Variants in RIF1 observed in about 807,000 individuals in gnomAD.
RIF1 encodes telomere-associated protein RIF1.
RIF1 carries 45 observed loss-of-function variants against 247.1 expected under a neutral mutation model. The observed-to-expected ratio is 0.18, with a 90% CI of 0.14 to 0.23. RIF1 has a LOEUF of 0.23. Ranked by LOEUF, RIF1 falls within the 10% of genes least tolerant of loss-of-function variation. The pLI is 1.00. For missense variants in RIF1, 2,967 were observed against 2,862.5 expected (o/e 1.04, Z -0.83); for synonymous variants, 1,087 against 978.8 (o/e 1.11, Z -2.06).
intron 30 of RIF1, among the ~76,000 whole-genome samples, chr2:151,467,492 G>A (rs1386537892): frequency 1.3e-5 from 2 of 151,964 alleles, no homozygotes; most frequent in Non-Finnish European, 2.9e-5. Flanking sequence ...TTACAGGCAT[G>A]TGCCACTAAG....
At chr2:151,447,514 T>C (rs1428126361) in intron 20 of RIF1, among the ~76,000 whole-genome samples, 1 of 152,230 alleles carries the variant, frequency 6.6e-6, no homozygotes, top group Non-Finnish European at 1.5e-5. Flanking sequence ...TTCTGTAGTA[T>C]GGTTGTACCA....
chr2:151,465,040 T>C lies in RIF1; in HGVS notation c.5520T>C (p.Asp1840=), dbSNP rs913582039. The C allele has an allele frequency of 2.5e-6, 4 of 1,582,506 alleles. No individual in the cohort carries two copies. In the African/African-American group the frequency reaches 5.5e-5, roughly 22 times the overall value. Residue 1840 remains aspartate, a synonymous_variant, in exon 30 of 36, where the codon GAT becomes GAC. Coordinates refer to ENST00000444746, the MANE Select transcript of RIF1 (RefSeq NM_018151.5). ...TAAACTTTAGAGAGGAAATTTGTGA[T>C]ATGGATTCTAGTGAAGCAATGTCTC... ...GIVNFREEIC[D]MDSSEAMSLE... is the part of the protein sequence containing the mutation.
At chr2:151,512,078 T>C (rs1186131710), downstream of RIF1, among the ~76,000 whole-genome samples, 2 of 140,324 alleles carry the variant, frequency 1.4e-5, no homozygotes, top group Non-Finnish European at 3.0e-5. Flanking sequence ...CTGCCCAGGC[T>C]GGAGTGCAGT....
At chr2:151,415,373 C>T (rs1480363041) in intron 4 of RIF1, among the ~76,000 whole-genome samples, 2 of 150,434 alleles carry the variant, frequency 1.3e-5, no homozygotes, top group Non-Finnish European at 3.0e-5. Context: ...TTTAGATTAT[C>T]ATTACCTACA....
At chr2:151,505,388 T>C in intron 12 of RIF1, 1 of 1,140,178 alleles carries the variant, frequency 8.8e-7, no homozygotes, top group African/African-American at 1.5e-5. Flanking sequence ...ATGGAAGCTC[T>C]TGATAGGAAG....
intron 9 of RIF1, chr2:151,493,446 C>A: frequency 6.4e-7 from 1 of 1,569,264 alleles, no homozygotes; most frequent in Non-Finnish European, 8.6e-7. Flanking sequence ...TGTACAATAC[C>A]TAGGGAAGCC....
the RIF1 span, chr2:151,534,393 C>T: frequency 8.1e-7 from 1 of 1,236,320 alleles, no homozygotes; most frequent in Non-Finnish European, 1.2e-6. Flanking sequence ...AAGGTAAACA[C>T]TCCAGAGGGC....
chr2:151,465,439 T>C lies in RIF1; in HGVS notation c.5919T>C (p.Ile1973=). The change falls in exon 30 of 36, where the codon ATT becomes ATC. Residue 1973 remains isoleucine (I), a synonymous_variant. Transcript: ENST00000444746. ...EVATEEFNSD[I]SLSDNTTPVK... ...CAACTGAGGAATTTAATTCAGATAT[T>C]AGTCTTTCTGATAATACTACACCTG... The C allele has an allele frequency of 6.2e-7, 1 of 1,613,890 alleles. No homozygotes were observed. The highest frequency in any genetic ancestry group is 8.5e-7 in the Non-Finnish European group (1 of 1,179,850).
At chr2:151,453,599 AAAAG>A (rs1225942105) in intron 21 of RIF1, among the ~76,000 whole-genome samples, 2 of 151,806 alleles carry the variant, frequency 1.3e-5, no homozygotes, top group Non-Finnish European at 2.9e-5. Flanking sequence ...AAAAAAAAAA[AAAAG>A]GCAATTTTAC....
At chr2:151,451,527 T>C (rs1310490269) in intron 20 of RIF1, 79 bp from the exon 21 acceptor site, 7 of 755,356 alleles carry the variant, frequency 9.3e-6, no homozygotes, top group East Asian at 5.0e-5. Context: ...AACAGTCTTA[T>C]ATTTTTTCAT....
chr2:151,474,242 T>C (rs1349808581), intron 35 of RIF1, among the ~76,000 whole-genome samples, 170 bp downstream of exon 35: 1 of 152,242 alleles, frequency 6.6e-6, no homozygotes, highest in Non-Finnish European at 1.5e-5. Context: ...TGTCTACTTG[T>C]TTTTCTTGTC....
chr2:151,464,750 A>G lies in RIF1; in HGVS notation c.5230A>G (p.Lys1744Glu). The G allele has an allele frequency of 6.2e-7, 1 of 1,613,788 alleles. No individual in the cohort carries two copies. The highest frequency in any genetic ancestry group is 8.5e-7 in the Non-Finnish European group (1 of 1,179,906). Residue 1744 changes from lysine (K) to glutamate (E), a missense_variant, in exon 30 of 36, where the codon AAG becomes GAG. Around this residue, in one of 7 missense-constraint regions of RIF1, gnomAD observed 2,028 missense variants for 1,825.6 expected, o/e 1.11. Transcript: ENST00000444746. The stretch of plus-strand genomic sequence containing the variant: ...TGGGGAAAAATCACAACCTCAGGAA[A>G]AGTCACTCATTGGGTTAAAGAATAC... ...CCGEKSQPQEKSLIGLKNTEN... is the reference protein window; with the variant it reads ...CCGEKSQPQEESLIGLKNTEN...
At chr2:151,497,585 A>G (rs1191188916) in intron 10 of RIF1, 47 of 1,539,880 alleles carry the variant, frequency 3.1e-5, no homozygotes, top group Non-Finnish European at 3.4e-5. Context: ...AGTTTTCAAA[A>G]TCATTAAATA....
chr2:151,449,466 A>G (rs1266691464), intron 20 of RIF1, among the ~76,000 whole-genome samples: 1 of 150,170 alleles, frequency 6.7e-6, no homozygotes, highest in East Asian at 1.9e-4. Context: ...TTCTTTCTTG[A>G]TGAGGTCTTG....
In RIF1 at chr2:151,465,371, G is replaced by A; in HGVS notation, c.5851G>A (p.Asp1951Asn). 6.2e-7 allele frequency: 1 copy of A among 1,613,632 alleles called. No individual in the cohort carries two copies. Among genetic ancestry groups the A allele is most frequent in the South Asian group, 1.1e-5 (1 of 90,930 alleles). Residue 1951 changes from aspartate to asparagine, a missense_variant, in exon 30 of 36, where the codon GAC becomes AAC. Physicochemically the swap from Asp to Asn is conservative, Grantham distance 23 (BLOSUM62 1). This residue lies in a region of RIF1 where 2,028 missense variants were observed against 1,825.6 expected (regional missense o/e 1.11). Transcript: ENST00000444746. ...AAIEENKRND[D>N]SEADTAKLNA... ...AATAGAAGAAAATAAAAGAAATGAT[G>A]ACTCTGAAGCAGACACAGCTAAACT...
chr2:151,418,138 A>G (rs902703977), intron 6 of RIF1, among the ~76,000 whole-genome samples: 2 of 152,234 alleles, frequency 1.3e-5, no homozygotes, highest in Non-Finnish European at 2.9e-5. Flanking sequence ...TGCAGATTTC[A>G]TAAAGACTGT....
the RIF1 span, among the ~76,000 whole-genome samples, chr2:151,518,753 A>T: frequency 6.6e-6 from 1 of 152,232 alleles, no homozygotes; most frequent in Non-Finnish European, 1.5e-5. Context: ...AATATTTTTT[A>T]AAAAGAAGCA....
At position 151,479,997 on chromosome 2, in the gene RIF1, T is replaced by C. The variant is rs1406149342; in HGVS notation, c.*4926T>C. 2 of 152,174 alleles carry C rather than the reference T, an allele frequency of 1.3e-5. No individual in the cohort carries two copies. The highest frequency in any genetic ancestry group is 2.9e-5 in the Non-Finnish European group (2 of 68,010). 9.4% of individuals were successfully genotyped at this position (152,174 alleles called of 1,614,324 possible). A position where few individuals can be genotyped will look rare whatever the true frequency, so the allele number is the denominator to read the frequency against. On this transcript the variant is annotated 3_prime_UTR_variant, in exon 36 of 36. Transcript: ENST00000444746. Reference sequence around the variant, plus strand: ...TGAAGTTTGAAGATCTATAAATATTTAATATAGTAGTCTAAACAGTTGTGA... The same window carrying C: ...TGAAGTTTGAAGATCTATAAATATTCAATATAGTAGTCTAAACAGTTGTGA...
At chr2:151,453,858 C>G (rs914533358) in intron 21 of RIF1, among the ~76,000 whole-genome samples, 2 of 152,172 alleles carry the variant, frequency 1.3e-5, no homozygotes, top group Non-Finnish European at 2.9e-5. Context: ...GATACACTTT[C>G]ATTTACCATC....
Sources: gnomAD v4.1 joint callset for allele counts (sites outside exome capture counted in the v4.1 genomes callset) on GRCh38, gnomAD v4.1.1 for gene constraint, gnomAD v4.1.1 regional missense constraint, MANE v1.5 for transcripts, NCBI Gene and HGNC (gene_info 2026-07-23, HGNC 2026-07-21) for gene names.